PNPT1: variants seen among roughly 807,000 people sequenced by gnomAD.
The protein encoded by PNPT1 is polyribonucleotide nucleotidyltransferase 1, mitochondrial.
A neutral mutation model predicts 119.5 loss-of-function variants in PNPT1; 53 were observed. The ratio of observed to expected loss-of-function variants is 0.44; its 90% confidence interval spans 0.36 to 0.56. The LOEUF (loss-of-function observed/expected upper bound fraction) is 0.56, where lower values mean the gene tolerates loss of function less well. Ranked by LOEUF, PNPT1 falls within the 20% of genes least tolerant of loss-of-function variation. The pLI is 0.00. For synonymous variants in PNPT1, 357 were observed against 322.1 expected (o/e 1.11, Z -1.16); for missense variants, 948 against 938.5 (o/e 1.01, Z -0.13).
chr2:55,672,444 G>T (rs1009751456), intron 9 of PNPT1, among the ~76,000 whole-genome samples: 2 of 152,108 alleles, frequency 1.3e-5, no homozygotes, highest in African/African-American at 2.4e-5. Flanking sequence ...GACATTAAGG[G>T]AAAGTATTAA....
chr2:55,682,101 C>A (rs2104162585), intron 5 of PNPT1, among the ~76,000 whole-genome samples: 1 of 151,888 alleles, frequency 6.6e-6, no homozygotes, highest in Admixed American at 6.6e-5. Flanking sequence ...CGAGATCGCG[C>A]CACTGTACTC....
intron 8 of PNPT1, among the ~76,000 whole-genome samples, chr2:55,678,882 A>G (rs753204209): frequency 6.6e-6 from 1 of 152,258 alleles, no homozygotes; most frequent in Non-Finnish European, 1.5e-5. Flanking sequence ...GATGTTTCAC[A>G]TATTACTTGT....
Position 55,646,511 on chromosome 2 carries a change from CAT to C in PNPT1, c.1603-27_1603-26del, listed in dbSNP as rs752417273. The C allele has an allele frequency of 1.9e-6, 3 of 1,575,138 alleles. No individual in the cohort carries two copies. The South Asian group carries it at 3.5e-5, about 18-fold the overall frequency. Reference sequence around the variant, plus strand: ...CCTTCAGGAATTTAAAAAGTTATGACATAGTTTTAAACAAAAACAAAAGTCAA... The same window carrying C: ...CCTTCAGGAATTTAAAAAGTTATGACAGTTTTAAACAAAAACAAAAGTCAA... On this transcript the variant is annotated intron_variant, in intron 19 of 27. Transcript: ENST00000447944.
chr2:55,686,890 G>C (rs79238381), intron 2 of PNPT1, among the ~76,000 whole-genome samples: 1 of 152,212 alleles, frequency 6.6e-6, no homozygotes, highest in South Asian at 2.1e-4. Flanking sequence ...AGCACTTTGC[G>C]GGGGCAAGGC....
Position 55,644,649 on chromosome 2 carries a change from G to T in PNPT1, c.1894C>A (p.Gln632Lys). Residue 632 changes from glutamine to lysine, a missense_variant, in exon 23 of 28, where the codon CAG becomes AAG. Physicochemically the swap from Gln to Lys is moderately conservative, Grantham distance 53. Coordinates refer to ENST00000447944, the MANE Select transcript of PNPT1 (RefSeq NM_033109.5). ...GPGGYNLKKL[Q>K]AETGVTISQV... ...ATACAACTCTTACCTGTTTCAGCCT[G>T]AAGTTTTTTTAAGTTATAGCCACCA... 1 of 1,608,450 alleles carries T rather than the reference G, an allele frequency of 6.2e-7. No homozygotes were observed. The highest frequency in any genetic ancestry group is 1.1e-5 in the South Asian group (1 of 90,902).
chr2:55,661,642 T>C (rs1696579616), intron 14 of PNPT1, among the ~76,000 whole-genome samples: 2 of 152,198 alleles, frequency 1.3e-5, no homozygotes, highest in Admixed American at 1.3e-4. Flanking sequence ...CTCTCGTTTC[T>C]AATAGAAAAA....
At chr2:55,650,681 C>T (rs1696149974) in intron 18 of PNPT1, among the ~76,000 whole-genome samples, 1 of 151,840 alleles carries the variant, frequency 6.6e-6, no homozygotes, top group Admixed American at 6.6e-5. Flanking sequence ...GCCCTGCCGC[C>T]CCGTCCGGGA....
chr2:55,679,579 T>G lies in PNPT1; in HGVS notation c.679+103A>C, dbSNP rs930094928. 21 of 785,004 alleles carry G rather than the reference T, an allele frequency of 2.7e-5. No individual in the cohort carries two copies. The African/African-American group carries it at 2.7e-4, about 10-fold the overall frequency. The allele number at this position is 785,004 out of a possible 1,614,324, so 48.6% of individuals were successfully genotyped here. On this transcript the variant is annotated intron_variant, in intron 8 of 27. Transcript: ENST00000447944. ...CAGAGATAAAACATGACAAAAATTT[T>G]TATGGCTACCGACAAAACATACACA...
At chr2:55,636,421 A>G in intron 27 of PNPT1, 29 bp from the exon 28 acceptor site, 1 of 1,608,538 alleles carries the variant, frequency 6.2e-7, no homozygotes, top group Non-Finnish European at 8.5e-7. Context: ...TCTTCCTTTA[A>G]AGTTACAGCA....
chr2:55,665,268 T>A (rs1696698909), intron 13 of PNPT1, among the ~76,000 whole-genome samples: 1 of 152,152 alleles, frequency 6.6e-6, no homozygotes, highest in Admixed American at 6.5e-5. Flanking sequence ...CGTGTAGGAA[T>A]AAATTCAAAG....
intron 1 of PNPT1, among the ~76,000 whole-genome samples, chr2:55,691,089 G>C (rs1290708017): frequency 2.0e-5 from 3 of 152,186 alleles, no homozygotes; most frequent in Admixed American, 6.5e-5. Flanking sequence ...CTCTGTGAAG[G>C]GGAGTGGAGG....
chr2:55,640,244 C>T (rs1695794701), intron 26 of PNPT1, among the ~76,000 whole-genome samples: 1 of 152,140 alleles, frequency 6.6e-6, no homozygotes, highest in Admixed American at 6.6e-5. Flanking sequence ...TCCTCCGCCT[C>T]CCGGGTTCAA....
At chr2:55,689,270 G>C (rs1487253165) in intron 1 of PNPT1, among the ~76,000 whole-genome samples, 4 of 152,102 alleles carry the variant, frequency 2.6e-5, no homozygotes, top group African/African-American at 7.2e-5. Flanking sequence ...TTAAAACTTG[G>C]CAAAGGATTT....
At chr2:55,671,875 G>C in intron 10 of PNPT1, 120 bp downstream of exon 10, 1 of 727,558 alleles carries the variant, frequency 1.4e-6, no homozygotes. Context: ...GCTTTTGTTA[G>C]TTTTTCATTT....
At position 55,640,692 on chromosome 2, in the gene PNPT1, T is replaced by C; in HGVS notation, c.2083A>G (p.Met695Val). 1 of 1,577,664 alleles carries C rather than the reference T, an allele frequency of 6.3e-7. No individual in the cohort carries two copies. Among genetic ancestry groups the C allele is most frequent in the Non-Finnish European group, 8.7e-7 (1 of 1,148,656 alleles). Reference sequence around the variant, plus strand: ...GTCATATTTGGATATAATTTTACCATTACACCAGTATCTCTACAAAAAAAT... The same window carrying C: ...GTCATATTTGGATATAATTTTACCACTACACCAGTATCTCTACAAAAAAAT... Reference protein sequence around the residue: ...TITEIRDTGVMVKLYPNMTAV... With the variant: ...TITEIRDTGVVVKLYPNMTAV... The change falls in exon 26 of 28, where the codon ATG (methionine) becomes GTG (valine). Residue 695 changes from methionine (M) to valine (V), a missense_variant. Coordinates refer to ENST00000447944, the MANE Select transcript of PNPT1 (RefSeq NM_033109.5).
intron 1 of PNPT1, among the ~76,000 whole-genome samples, chr2:55,691,829 A>C (rs553973345): frequency 6.2e-5 from 8 of 129,338 alleles, no homozygotes; most frequent in African/African-American, 1.8e-4. Flanking sequence ...TTTCTATATT[A>C]CTCTTCAATT....
chr2:55,666,016 G>A lies in PNPT1; in HGVS notation c.1176+975C>T, dbSNP rs1696719547. ...CAGGCTAAATGGAGAAAACAAATGA[G>A]GGCCTTGAACAGGTCAACAATCACA... On this transcript the variant is annotated intron_variant, in intron 13 of 27. Coordinates refer to ENST00000447944, the MANE Select transcript of PNPT1 (RefSeq NM_033109.5). Among the ~76,000 whole-genome samples the A allele has an allele frequency of 2.6e-5, 4 of 152,214 alleles. No individual in the cohort carries two copies. The South Asian group carries it at 8.3e-4, about 32-fold the overall frequency.
intron 15 of PNPT1, among the ~76,000 whole-genome samples, chr2:55,656,758 TA>T (rs1317417890): frequency 4.6e-5 from 7 of 152,240 alleles, no homozygotes; most frequent in African/African-American, 1.7e-4. Context: ...TTTATTTCAC[TA>T]AATTGAAATT....
At chr2:55,688,745 C>CAA (rs1256861396) in intron 1 of PNPT1, among the ~76,000 whole-genome samples, 6 of 151,620 alleles carry the variant, frequency 4.0e-5, no homozygotes, top group South Asian at 2.1e-4. Flanking sequence ...CAAAACAAAA[C>CAA]AACAACAACA....
Sources: allele counts gnomAD v4.1 joint callset (sites outside exome capture counted in the v4.1 genomes callset), GRCh38; gene constraint gnomAD v4.1.1; transcripts MANE v1.5; gene names NCBI Gene and HGNC (gene_info 2026-07-23, HGNC 2026-07-21).